G3BP2: variants seen among roughly 807,000 people sequenced by gnomAD.
The protein encoded by G3BP2 is G3BP stress granule assembly factor 2.
In G3BP2, 11 loss-of-function variants were observed where a neutral mutation model predicts 56.7. That is an observed-to-expected ratio of 0.19 (90% CI 0.12 to 0.32). G3BP2 has a LOEUF of 0.32. G3BP2 is among the 10% of genes least tolerant of loss of function. The pLI, the probability that G3BP2 is intolerant of heterozygous loss-of-function variation, is 1.00. For synonymous variants in G3BP2, 165 were observed against 191.6 expected, an observed-to-expected ratio of 0.86 and a Z score of 1.15; for missense variants, 340 against 610.9, an observed-to-expected ratio of 0.56 and a Z score of 4.67.
rs1274979024 is a variant in G3BP2, at chr4:75,645,281, C to T, written c.*149G>A. 6.1e-6 allele frequency: 4 copies of T among 658,116 alleles called. No homozygotes were observed. Among genetic ancestry groups the T allele is most frequent in the African/African-American group, 1.8e-5 (1 of 54,656 alleles). 40.8% of individuals were successfully genotyped at this position (658,116 alleles called of 1,614,324 possible). Reference sequence around the variant, plus strand: ...GTGAAATTGGGGAAATAATGTCCACCTCAATTTAACTGATAACCAAAGATG... The same window carrying T: ...GTGAAATTGGGGAAATAATGTCCACTTCAATTTAACTGATAACCAAAGATG... On this transcript the variant is annotated 3_prime_UTR_variant, in exon 12 of 12. Transcript: ENST00000359707.
At chr4:75,706,302 G>C (rs1314800825) in intron 3 of G3BP2, among the ~76,000 whole-genome samples, 2 of 152,116 alleles carry the variant, frequency 1.3e-5, no homozygotes, top group Non-Finnish European at 2.9e-5. Flanking sequence ...CTGTCTTTAA[G>C]TCCTGGCCTC....
At chr4:75,713,743 T>C (rs1448239772) in intron 3 of G3BP2, among the ~76,000 whole-genome samples, 1 of 152,164 alleles carries the variant, frequency 6.6e-6, no homozygotes. Flanking sequence ...GAGCTATGAA[T>C]GGGGCACTAT....
At chr4:75,683,673 C>A (rs1404044815) in intron 3 of G3BP2, among the ~76,000 whole-genome samples, 2 of 152,142 alleles carry the variant, frequency 1.3e-5, no homozygotes, top group African/African-American at 4.8e-5. Flanking sequence ...GACCTATATG[C>A]CTCTGTTGAC....
At position 75,649,001 on chromosome 4, in the gene G3BP2, TAA is replaced by T. The variant is rs1301578070; in HGVS notation, c.826-262_826-261del. ...GCTTTTTACAGTCACATTTTTTCAT[TAA>T]AGTTATATCAACACTGAAATAGCAT... is the stretch of plus-strand genomic sequence containing the variant. On this transcript the variant is annotated intron_variant, in intron 8 of 11. Coordinates refer to ENST00000359707, the MANE Select transcript of G3BP2 (RefSeq NM_203505.3). The T allele has an allele frequency of 5.8e-5, 16 of 276,172 alleles. 1 individual carries two copies. In the South Asian group the frequency reaches 1.5e-3, roughly 26 times the overall value. The allele number at this position is 276,172 out of a possible 1,614,324, so 17.1% of individuals were successfully genotyped here.
chr4:75,647,003 C>T (rs1005178702), intron 10 of G3BP2, 26 bp downstream of exon 10: 6 of 1,461,532 alleles, frequency 4.1e-6, no homozygotes, highest in Non-Finnish European at 5.6e-6. Context: ...AATTTAAAAA[C>T]TCCAACAGCA....
chr4:75,694,816 T>C, intron 3 of G3BP2: 1 of 985,612 alleles, frequency 1.0e-6, no homozygotes, highest in Non-Finnish European at 1.2e-6. Context: ...AGGAAGGATT[T>C]CAGATGGCAC....
chr4:75,711,251 A>G (rs1719744511), intron 3 of G3BP2, among the ~76,000 whole-genome samples: 1 of 151,228 alleles, frequency 6.6e-6, no homozygotes, highest in South Asian at 2.1e-4. Flanking sequence ...CCCAGGAGAC[A>G]GTGGTTGCAG....
chr4:75,700,353 T>C (rs908811015), intron 3 of G3BP2, among the ~76,000 whole-genome samples: 3 of 141,530 alleles, frequency 2.1e-5, no homozygotes, highest in African/African-American at 7.8e-5. Context: ...CGCCCAGCCC[T>C]GAATGCTTAA....
intron 3 of G3BP2, among the ~76,000 whole-genome samples, chr4:75,699,225 C>G (rs568483645): frequency 2.0e-5 from 3 of 152,212 alleles, no homozygotes; most frequent in Admixed American, 6.6e-5. Context: ...GTAAAAACAA[C>G]AGAATTCCTC....
intron 1 of G3BP2, among the ~76,000 whole-genome samples, chr4:75,664,836 A>T (rs1732873498): frequency 6.6e-6 from 1 of 152,008 alleles, no homozygotes; most frequent in South Asian, 2.1e-4. Context: ...GCAACTGAGT[A>T]AGACTCTGTC....
chr4:75,719,417 G>A (rs1350942212), intron 3 of G3BP2, among the ~76,000 whole-genome samples: 1 of 150,668 alleles, frequency 6.6e-6, no homozygotes, highest in Non-Finnish European at 1.5e-5. Flanking sequence ...AATCATTATT[G>A]AGTACTTACT....
At chr4:75,678,654 AAAAT>A (rs1733966508) in intron 3 of G3BP2, among the ~76,000 whole-genome samples, 1 of 152,180 alleles carries the variant, frequency 6.6e-6, no homozygotes, top group East Asian at 1.9e-4. Flanking sequence ...ATTTCCAAAA[AAAAT>A]AAAAAAGAAT....
chr4:75,702,301 A>G (rs1719379442), intron 3 of G3BP2, among the ~76,000 whole-genome samples: 1 of 151,120 alleles, frequency 6.6e-6, no homozygotes, highest in Admixed American at 6.6e-5. Context: ...ATGCCATCAC[A>G]CCCGGCTAAT....
rs550475129 is a variant in G3BP2, at chr4:75,644,655, G to T, written c.*775C>A. 46 of 152,766 alleles carry T rather than the reference G, an allele frequency of 3.0e-4. No homozygotes were observed. Among genetic ancestry groups the T allele is most frequent in the African/African-American group, 1.0e-3 (42 of 41,562 alleles). 9.5% of individuals were successfully genotyped at this position (152,766 alleles called of 1,614,324 possible). ...GTGTGTTGAGCAGCCAGCCATCCCT[G>T]TACTGAAGAGGGGCAGGTAGAAAAA... On this transcript the variant is annotated 3_prime_UTR_variant, in exon 12 of 12. Coordinates refer to ENST00000359707, the MANE Select transcript of G3BP2 (RefSeq NM_203505.3).
intron 1 of G3BP2, among the ~76,000 whole-genome samples, chr4:75,669,965 G>A (rs956869390): frequency 3.9e-5 from 6 of 152,194 alleles, no homozygotes; most frequent in African/African-American, 1.4e-4. Flanking sequence ...GCAGTGGCGG[G>A]CGCCTGTAAT....
chr4:75,686,181 CAT>C (rs1293810062), intron 3 of G3BP2, among the ~76,000 whole-genome samples: 3 of 152,156 alleles, frequency 2.0e-5, no homozygotes, highest in African/African-American at 4.8e-5. Context: ...CAAAGCTGCA[CAT>C]GTTTTCCATT....
upstream of G3BP2, among the ~76,000 whole-genome samples, chr4:75,678,296 TTG>T (rs57550763): frequency 0.18 from 26,022 of 144,046 alleles, 2,644 homozygotes; most frequent in East Asian, 0.48. Context: ...CGTGCCTAGC[TTG>T]TGTGTGTGTG....
At chr4:75,716,950 C>T (rs1247459168) in intron 3 of G3BP2, among the ~76,000 whole-genome samples, 1 of 152,190 alleles carries the variant, frequency 6.6e-6, no homozygotes, top group Non-Finnish European at 1.5e-5. Context: ...ATCTTCCATC[C>T]CTCTGCCCAT....
At chr4:75,707,513 G>C (rs1362298272) in intron 3 of G3BP2, among the ~76,000 whole-genome samples, 2 of 151,374 alleles carry the variant, frequency 1.3e-5, no homozygotes, top group Admixed American at 6.6e-5. Flanking sequence ...GAGAGGCTGA[G>C]GCAGGAGAAT....
Sources: gnomAD v4.1 joint callset for allele counts (sites outside exome capture counted in the v4.1 genomes callset) on GRCh38, gnomAD v4.1.1 for gene constraint, MANE v1.5 for transcripts, NCBI Gene and HGNC (gene_info 2026-07-23, HGNC 2026-07-21) for gene names.